TET1: variants seen among roughly 807,000 people sequenced by gnomAD.
TET1 encodes the protein methylcytosine dioxygenase TET1.
TET1 carries 13 observed loss-of-function variants against 148.7 expected under a neutral mutation model. The observed-to-expected ratio is 0.09, with a 90% CI of 0.06 to 0.14. TET1 has a LOEUF of 0.14. Among genes scored for constraint, TET1 ranks in the 10% least tolerant of loss-of-function variants. TET1 has a pLI of 1.00. For missense variants in TET1, 2,182 were observed against 2,553.8 expected, an observed-to-expected ratio of 0.85 and a Z score of 3.14; for synonymous variants, 907 against 937.2, an observed-to-expected ratio of 0.97 and a Z score of 0.59.
chr10:68,675,726 G>A (rs1385337302), intron 8 of TET1, among the ~76,000 whole-genome samples: 2 of 151,916 alleles, frequency 1.3e-5, no homozygotes, highest in Non-Finnish European at 2.9e-5. Flanking sequence ...TGGCCAGGCA[G>A]ATTTTTAGAA....
chr10:68,616,900 G>A lies in TET1; in HGVS notation c.1968+15866G>A, dbSNP rs1465143661. ...TTTTTTGTATTTTTAGTAGAGACGG[G>A]GTTTCACTGTGTTAGCCAGGATGGT... On this transcript the variant is annotated intron_variant, in intron 3 of 11. Coordinates refer to ENST00000373644, the MANE Select transcript of TET1 (RefSeq NM_030625.3). 5.3e-5 allele frequency among the ~76,000 whole-genome samples: 8 copies of A among 150,390 alleles called. No homozygotes were observed. The East Asian group carries it at 1.6e-3, about 30-fold the overall frequency.
chr10:68,575,628 GGAGGCGGAGGTTTCAGT>G (rs1564949949), intron 2 of TET1, among the ~76,000 whole-genome samples: 1 of 151,902 alleles, frequency 6.6e-6, no homozygotes, highest in African/African-American at 2.4e-5. Flanking sequence ...CTTGAACCCG[GGAGGCGGAGGTTTCAGT>G]GAGACGTCAT....
intron 3 of TET1, among the ~76,000 whole-genome samples, chr10:68,623,078 T>C (rs1348981373): frequency 2.0e-5 from 3 of 152,186 alleles, no homozygotes; most frequent in African/African-American, 7.2e-5. Flanking sequence ...CTGTTTCCCT[T>C]TGTAATTAAC....
At chr10:68,575,297 T>C (rs2053715231) in intron 2 of TET1, among the ~76,000 whole-genome samples, 1 of 151,564 alleles carries the variant, frequency 6.6e-6, no homozygotes. Context: ...GGCAGGAAAA[T>C]CACTTGAACC....
At position 68,694,368 on chromosome 10, in the gene TET1, A is replaced by T. The variant is rs1208641339; in HGVS notation, c.*2554A>T. ...CATTCTCTGCCCTGTGATTTTTTTT[A>T]AAAGCTTATTCAATGTTCTGCAGCA... On this transcript the variant is annotated 3_prime_UTR_variant, in exon 12 of 12. Transcript: ENST00000373644. 4.3e-6 allele frequency: 1 copy of T among 232,454 alleles called. No individual in the cohort carries two copies. 14.4% of individuals were successfully genotyped at this position (232,454 alleles called of 1,614,324 possible). A position where few individuals can be genotyped will look rare whatever the true frequency, so the allele number is the denominator to read the frequency against.
chr10:68,569,162 G>GTTTTTTTTTTTTTTTTTT (rs1362900985), intron 1 of TET1, among the ~76,000 whole-genome samples: 1 of 122,330 alleles, frequency 8.2e-6, no homozygotes, highest in African/African-American at 3.3e-5. Context: ...AGGCAGGAGA[G>GTTTTTTTTTTTTTTTTTT]TTTCTTTTTT....
intron 2 of TET1, among the ~76,000 whole-genome samples, chr10:68,596,013 CACACACACACACACAT>C (rs1564959033): frequency 7.4e-5 from 8 of 107,562 alleles, no homozygotes; most frequent in African/African-American, 3.0e-4. Flanking sequence ...CACACACACA[CACACACACACACACAT>C]ATATATATAT....
intron 4 of TET1, among the ~76,000 whole-genome samples, chr10:68,650,705 T>A (rs1175685889): frequency 2.0e-5 from 3 of 152,124 alleles, no homozygotes; most frequent in Non-Finnish European, 4.4e-5. Flanking sequence ...TGACATCCAG[T>A]GAAAATGACT....
chr10:68,625,866 C>A (rs539650755), intron 3 of TET1, among the ~76,000 whole-genome samples: 6 of 151,792 alleles, frequency 4.0e-5, no homozygotes, highest in African/African-American at 1.5e-4. Flanking sequence ...GCAGGTGGAT[C>A]GCTTGAGCCC....
At chr10:68,597,737 A>G (rs2054004942) in intron 2 of TET1, among the ~76,000 whole-genome samples, 1 of 152,260 alleles carries the variant, frequency 6.6e-6, no homozygotes, top group African/African-American at 2.4e-5. Context: ...TGTGTTATGT[A>G]CATACAAAGG....
chr10:68,628,387 A>G (rs577205623), intron 3 of TET1, among the ~76,000 whole-genome samples: 98 of 152,228 alleles, frequency 6.4e-4, no homozygotes, highest in Non-Finnish European at 1.2e-3. Context: ...TCTTAATAAG[A>G]GTTTTCTACA....
chr10:68,576,169 G>A (rs936766223), intron 2 of TET1, among the ~76,000 whole-genome samples: 1 of 151,980 alleles, frequency 6.6e-6, no homozygotes, highest in African/African-American at 2.4e-5. Context: ...TGGCCAACCT[G>A]GCAAAACCCC....
chr10:68,686,114 G>A (rs899662449), intron 10 of TET1, among the ~76,000 whole-genome samples: 4 of 152,084 alleles, frequency 2.6e-5, no homozygotes, highest in Admixed American at 6.6e-5. Flanking sequence ...ATTTTATAAC[G>A]TTATATTTAC....
chr10:68,645,874 A>T lies in TET1; in HGVS notation c.3145A>T (p.Asn1049Tyr). Reference protein sequence around the residue: ...PPRNNEVEYCNQLLDSSKKLD... With the variant: ...PPRNNEVEYCYQLLDSSKKLD... ...AAGAAATAATGAAGTGGAGTATTGC[A>T]ACCAGTTACTGGACAGCAGCAAAAA... The change falls in exon 4 of 12, where the codon AAC becomes TAC. Residue 1049 changes from asparagine to tyrosine, a missense_variant. By Grantham distance (143) the Asn-to-Tyr change is moderately radical. Coordinates refer to ENST00000373644, the MANE Select transcript of TET1 (RefSeq NM_030625.3). 6.2e-7 allele frequency: 1 copy of T among 1,614,154 alleles called. No homozygotes were observed. The highest frequency in any genetic ancestry group is 1.1e-5 in the South Asian group (1 of 91,082).
At chr10:68,606,218 T>C (rs951059130) in intron 3 of TET1, among the ~76,000 whole-genome samples, 1 of 151,986 alleles carries the variant, frequency 6.6e-6, no homozygotes, top group African/African-American at 2.4e-5. Flanking sequence ...AATACAAATA[T>C]TCGCCAGGTG....
intron 3 of TET1, among the ~76,000 whole-genome samples, chr10:68,638,367 T>C (rs1196725341): frequency 6.6e-6 from 1 of 152,190 alleles, no homozygotes; most frequent in African/African-American, 2.4e-5. Context: ...ACATAATACT[T>C]TGTTAATAAT....
intron 6 of TET1, among the ~76,000 whole-genome samples, chr10:68,653,626 A>G (rs35651781): frequency 0.19 from 29,201 of 152,156 alleles, 3,531 homozygotes; most frequent in African/African-American, 0.34. Context: ...TGTCCTTTAG[A>G]ACCATTTTAA....
intron 6 of TET1, among the ~76,000 whole-genome samples, chr10:68,653,628 C>G (rs1466011977): frequency 6.6e-6 from 1 of 152,098 alleles, no homozygotes; most frequent in East Asian, 1.9e-4. Context: ...TCCTTTAGAA[C>G]CATTTTAAGG....
chr10:68,681,463 A>T lies in TET1; in HGVS notation c.4889A>T (p.Tyr1630Phe), dbSNP rs184022882. Residue 1630 changes from tyrosine to phenylalanine, a missense_variant, in exon 9 of 12, where the codon TAT becomes TTT. Tyr to Phe is a conservative substitution (Grantham distance 22, BLOSUM62 3). Around this residue, in one of 11 missense-constraint regions of TET1, gnomAD observed 55 missense variants for 149.8 expected, o/e 0.37. Coordinates refer to ENST00000373644, the MANE Select transcript of TET1 (RefSeq NM_030625.3). ...ATRLAPIYKQYAPVAYQNQVE... is the reference protein window; with the variant it reads ...ATRLAPIYKQFAPVAYQNQVE... ...CGATTAGCTCCAATTTATAAGCAGTATGCTCCAGTAGCTTACCAAAATCAG... is the reference window on the plus strand; with the variant it reads ...CGATTAGCTCCAATTTATAAGCAGTTTGCTCCAGTAGCTTACCAAAATCAG... 1.2e-6 allele frequency: 2 copies of T among 1,613,612 alleles called. No homozygotes were observed. Among genetic ancestry groups the T allele is most frequent in the East Asian group, 4.5e-5 (2 of 44,854 alleles).
Sources: allele counts gnomAD v4.1 joint callset (sites outside exome capture counted in the v4.1 genomes callset), GRCh38; gene constraint gnomAD v4.1.1; regional missense constraint gnomAD v4.1.1; transcripts MANE v1.5; gene names NCBI Gene and HGNC (gene_info 2026-07-23, HGNC 2026-07-21).